Variants in TTC7B observed in about 807,000 individuals in gnomAD.
TTC7B encodes the protein tetratricopeptide repeat protein 7B.
A neutral mutation model predicts 106.8 loss-of-function variants in TTC7B; 28 were observed. That is an observed-to-expected ratio of 0.26 (90% CI 0.19 to 0.36). The LOEUF (loss-of-function observed/expected upper bound fraction) is 0.36, where lower values mean the gene tolerates loss of function less well. Ranked by LOEUF, TTC7B falls within the 10% of genes least tolerant of loss-of-function variation. TTC7B has a pLI of 1.00. For synonymous variants in TTC7B, 405 were observed against 430.6 expected (o/e 0.94, Z 0.74); for missense variants, 862 against 1,076.4 (o/e 0.80, Z 2.79).
chr14:90,692,389 G>C (rs185433595), intron 6 of TTC7B, among the ~76,000 whole-genome samples: 1 of 152,278 alleles, frequency 6.6e-6, no homozygotes, highest in Admixed American at 6.5e-5. Flanking sequence ...ACACCAGATA[G>C]AGTTTACAAA....
At chr14:90,568,086 C>T (rs759794431) in intron 19 of TTC7B, among the ~76,000 whole-genome samples, 2 of 152,180 alleles carry the variant, frequency 1.3e-5, no homozygotes, top group African/African-American at 2.4e-5. Flanking sequence ...GCAGCAGGCC[C>T]AGTTGGCACA....
chr14:90,590,369 T>C (rs1891904600), intron 18 of TTC7B, among the ~76,000 whole-genome samples: 1 of 152,172 alleles, frequency 6.6e-6, no homozygotes, highest in Admixed American at 6.5e-5. Context: ...GAGTGACCTT[T>C]CCTGCAAGCC....
rs115317890 is a variant in TTC7B at position 90,667,688 on chromosome 14, G to A, written c.1152+8835C>T. On this transcript the variant is annotated intron_variant, in intron 9 of 19. Transcript: ENST00000328459. Reference sequence around the variant, plus strand: ...TAGCCTTTGAAGCCTAAAATATTTAGCATCTGACGCTTTAATTTGCTGACC... The same window carrying A: ...TAGCCTTTGAAGCCTAAAATATTTAACATCTGACGCTTTAATTTGCTGACC... Among the ~76,000 whole-genome samples the A allele has an allele frequency of 9.8e-3, 1,491 of 152,212 alleles. 22 individuals carry two copies. The highest frequency in any genetic ancestry group is 0.034 in the African/African-American group (1,424 of 41,512).
intron 15 of TTC7B, among the ~76,000 whole-genome samples, chr14:90,641,729 C>T (rs1466378695): frequency 6.6e-6 from 1 of 152,236 alleles, no homozygotes; most frequent in Non-Finnish European, 1.5e-5. Flanking sequence ...AATATCTCCA[C>T]TGCTGTTCCT....
chr14:90,553,995 G>A (rs770908208), intron 19 of TTC7B, among the ~76,000 whole-genome samples: 25 of 152,182 alleles, frequency 1.6e-4, no homozygotes, highest in Non-Finnish European at 2.2e-4. Flanking sequence ...GGCAGTAAAC[G>A]CCAGCACCTA....
intron 2 of TTC7B, among the ~76,000 whole-genome samples, chr14:90,784,197 C>T (rs1891305489): frequency 6.6e-6 from 1 of 152,062 alleles, no homozygotes; most frequent in Admixed American, 6.6e-5. Flanking sequence ...TCAAGACCTA[C>T]CACCTGTGTC....
chr14:90,658,094 T>C, intron 10 of TTC7B: 1 of 568,186 alleles, frequency 1.8e-6, no homozygotes, highest in Non-Finnish European at 3.1e-6. Flanking sequence ...AAAAGACAAA[T>C]ATTTCAGAAT....
intron 17 of TTC7B, chr14:90,593,848 C>T (rs2296395): frequency 7.3e-6 from 3 of 412,490 alleles, no homozygotes; most frequent in Non-Finnish European, 1.3e-5. Flanking sequence ...GCACATGCCC[C>T]CTCCAGGAGC....
At chr14:90,621,126 G>A (rs1485870643) in intron 15 of TTC7B, among the ~76,000 whole-genome samples, 1 of 152,138 alleles carries the variant, frequency 6.6e-6, no homozygotes, top group Non-Finnish European at 1.5e-5. Flanking sequence ...ATGGGCAGAG[G>A]CCACACGGGT....
chr14:90,651,102 A>G (rs189709380), intron 13 of TTC7B, among the ~76,000 whole-genome samples: 5 of 152,390 alleles, frequency 3.3e-5, no homozygotes, highest in Admixed American at 3.3e-4. Flanking sequence ...TAGAGAAAGT[A>G]CTTCTCATCA....
chr14:90,781,852 C>T (rs1891229584), intron 2 of TTC7B, among the ~76,000 whole-genome samples: 1 of 152,212 alleles, frequency 6.6e-6, no homozygotes, highest in East Asian at 1.9e-4. Flanking sequence ...TCCCCCTCTC[C>T]CCAAAGCCTC....
intron 1 of TTC7B, among the ~76,000 whole-genome samples, chr14:90,815,937 C>T (rs1386857120): frequency 2.0e-5 from 3 of 151,762 alleles, no homozygotes; most frequent in Non-Finnish European, 2.9e-5. Flanking sequence ...CCGCCCTGCA[C>T]GCTTGAACCC....
chr14:90,542,062 C>T (rs555899579), intron 19 of TTC7B, among the ~76,000 whole-genome samples: 73 of 152,292 alleles, frequency 4.8e-4, no homozygotes, highest in Middle Eastern at 3.4e-3. Flanking sequence ...GCCTCAGCCT[C>T]CCCAGTAGCT....
At chr14:90,599,401 G>A (rs986782699) in intron 17 of TTC7B, among the ~76,000 whole-genome samples, 1 of 152,138 alleles carries the variant, frequency 6.6e-6, no homozygotes, top group African/African-American at 2.4e-5. Context: ...CTGCCCACCC[G>A]GTGACTTGGC....
Position 90,562,178 on chromosome 14 carries a change from C to T in TTC7B, c.2310+15928G>A, listed in dbSNP as rs376555972. ...CAACCTTTCCAGGAAAAACCCCGGT[C>T]AGCCCACCTCCACACAGCCAACCAG... On this transcript the variant is annotated intron_variant, in intron 19 of 19. Transcript: ENST00000328459. 5.9e-5 allele frequency among the ~76,000 whole-genome samples: 9 copies of T among 152,266 alleles called. No homozygotes were observed. The East Asian group carries it at 1.7e-3, about 29-fold the overall frequency.
rs745988065 is a variant in TTC7B, at chr14:90,658,330, C to A, written c.1210G>T (p.Ala404Ser). The A allele has an allele frequency of 1.5e-5, 25 of 1,613,902 alleles. No individual in the cohort carries two copies. The highest frequency in any genetic ancestry group is 5.3e-5 in the African/African-American group (4 of 74,916). Residue 404 changes from alanine to serine, a missense_variant, in exon 10 of 20, where the codon GCT becomes TCT. Coordinates refer to ENST00000328459, the MANE Select transcript of TTC7B (RefSeq NM_001010854.2). ...TTTCCAGCAGCCATCAGGGACAGAG[C>A]AAACTGGTACCACAGGTGGAATTCC... ...FEEFHLWYQF[A>S]LSLMAAGKSA...
At position 90,633,070 on chromosome 14, in the gene TTC7B, A is replaced by G. The variant is rs144416863; in HGVS notation, c.1751+10978T>C. 5.0e-3 allele frequency among the ~76,000 whole-genome samples: 761 copies of G among 152,356 alleles called. 6 individuals are homozygous for G. Among genetic ancestry groups the G allele is most frequent in the African/African-American group, 0.018 (728 of 41,584 alleles). On this transcript the variant is annotated intron_variant, in intron 15 of 19. Coordinates refer to ENST00000328459, the MANE Select transcript of TTC7B (RefSeq NM_001010854.2). ...CTGAGGCCACGGACAGAAGTGTTCT[A>G]GAAGACCTCTGTGCCTCCAATCAGG... is the stretch of plus-strand genomic sequence containing the variant.
At chr14:90,734,965 G>A (rs944961951) in intron 4 of TTC7B, among the ~76,000 whole-genome samples, 5 of 152,014 alleles carry the variant, frequency 3.3e-5, no homozygotes, top group South Asian at 4.2e-4. Flanking sequence ...TAAATTTTTA[G>A]TATAGACAAG....
chr14:90,774,090 AC>A (rs1890949199), intron 3 of TTC7B, among the ~76,000 whole-genome samples: 1 of 152,216 alleles, frequency 6.6e-6, no homozygotes, highest in Non-Finnish European at 1.5e-5. Context: ...CCCTAATGGG[AC>A]CAGCCCCTCT....
Sources: gnomAD v4.1 joint callset for allele counts (sites outside exome capture counted in the v4.1 genomes callset) on GRCh38, gnomAD v4.1.1 for gene constraint, MANE v1.5 for transcripts, NCBI Gene and HGNC (gene_info 2026-07-23, HGNC 2026-07-21) for gene names.